The following SVOP variants were observed in gnomAD, a reference collection of about 807,000 sequenced individuals.
The protein encoded by SVOP is SV2 related protein.
In SVOP, 17 loss-of-function variants were observed where a neutral mutation model predicts 69.1. The observed-to-expected ratio is 0.25, with a 90% confidence interval of 0.17 to 0.37. The LOEUF (loss-of-function observed/expected upper bound fraction) is 0.37, where lower values mean the gene tolerates loss of function less well. SVOP is among the 10% of genes least tolerant of loss of function. The pLI is 1.00. For synonymous variants in SVOP, 238 were observed against 238.6 expected (o/e 1.00, Z 0.02); for missense variants, 435 against 597.5 (o/e 0.73, Z 2.84).
chr12:108,922,264 G>C (rs1040064590), intron 12 of SVOP, among the ~76,000 whole-genome samples: 1 of 152,180 alleles, frequency 6.6e-6, no homozygotes, highest in African/African-American at 2.4e-5. Context: ...TTTCTGGCAG[G>C]CTATTATAAA....
Position 109,020,914 on chromosome 12 carries a change from TA to T in SVOP, c.-47del. On this transcript the variant is annotated 5_prime_UTR_variant, in exon 1 of 16. Transcript: ENST00000610966. The stretch of plus-strand genomic sequence containing the variant: ...AGCCCTTCTCATGGCCCTTACATGG[TA>T]GTGGTGGATGACGAGCCCTCCGGTT... 1.4e-6 allele frequency: 1 copy of T among 709,618 alleles called. No homozygotes were observed. Among genetic ancestry groups the T allele is most frequent in the Admixed American group, 2.0e-5 (1 of 48,970 alleles). 44.0% of individuals were successfully genotyped at this position (709,618 alleles called of 1,614,324 possible). A position where few individuals can be genotyped will look rare whatever the true frequency, so the allele number is the denominator to read the frequency against.
chr12:108,984,202 G>A, intron 1 of SVOP, among the ~76,000 whole-genome samples: 1 of 152,250 alleles, frequency 6.6e-6, no homozygotes, highest in South Asian at 2.1e-4. Context: ...TTTTAGAATA[G>A]AGACAAGGTT....
intron 11 of SVOP, among the ~76,000 whole-genome samples, chr12:108,924,205 AT>A: frequency 6.6e-6 from 1 of 152,166 alleles, no homozygotes; most frequent in East Asian, 1.9e-4. Context: ...CAGACACTGA[AT>A]CTACTGGTGC....
chr12:108,960,401 C>T (rs1316690401), intron 6 of SVOP, among the ~76,000 whole-genome samples: 1 of 152,140 alleles, frequency 6.6e-6, no homozygotes, highest in African/African-American at 2.4e-5. Context: ...ATTCTCAGTA[C>T]CTTAAACTAC....
intron 1 of SVOP, among the ~76,000 whole-genome samples, chr12:108,998,616 G>T (rs1184876865): frequency 6.6e-6 from 1 of 152,044 alleles, no homozygotes; most frequent in East Asian, 1.9e-4. Context: ...AGATCTCTCG[G>T]CAGAAACCCT....
rs533847831 is a variant in SVOP, at chr12:109,005,512, G to A, written c.35+15322C>T. 1.6e-4 allele frequency among the ~76,000 whole-genome samples: 24 copies of A among 152,250 alleles called. No homozygotes were observed. The South Asian group carries it at 3.7e-3, about 24-fold the overall frequency. ...TGAAATTGACATGGTCCCTGACCTC[G>A]AGAAGTGGATGCTCTGGTTGGCAAG... is the stretch of plus-strand genomic sequence containing the variant. On this transcript the variant is annotated intron_variant, in intron 1 of 15. Coordinates refer to ENST00000610966, the MANE Select transcript of SVOP (RefSeq NM_018711.5).
rs1251791579 is a variant in SVOP at position 108,936,434 on chromosome 12, A to G, written c.971+830T>C. ...TTTCAATCCTTTTAAATTATATCCC[A>G]GTCTCACTTATGTGCTAATGAGTCC... On this transcript the variant is annotated intron_variant, in intron 10 of 15. Transcript: ENST00000610966. 3.9e-5 allele frequency among the ~76,000 whole-genome samples: 6 copies of G among 152,174 alleles called. 1 individual carries two copies.
At chr12:108,940,385 G>A (rs1336318148) in intron 8 of SVOP, among the ~76,000 whole-genome samples, 1 of 152,160 alleles carries the variant, frequency 6.6e-6, no homozygotes, top group African/African-American at 2.4e-5. Flanking sequence ...AACTCCTGGA[G>A]CCAGCCATGC....
At position 108,915,826 on chromosome 12, in the gene SVOP, C is replaced by T. The variant is rs867454100; in HGVS notation, c.1397G>A (p.Gly466Asp). 6.2e-7 allele frequency: 1 copy of T among 1,608,146 alleles called. No individual in the cohort carries two copies. The change falls in exon 15 of 16, where the codon GGC becomes GAC. Residue 466 changes from glycine (G) to aspartate (D), a missense_variant. Coordinates refer to ENST00000610966, the MANE Select transcript of SVOP (RefSeq NM_018711.5). ...TRALGLGTCS[G>D]MARVGALITP... ...GATGAGAGCACCCACTCTTGCCATG[C>T]CGCTGCAGGTGCCCAGGCCGAGGGC...
At chr12:108,940,268 T>C (rs2039882909) in intron 8 of SVOP, among the ~76,000 whole-genome samples, 1 of 152,206 alleles carries the variant, frequency 6.6e-6, no homozygotes, top group Non-Finnish European at 1.5e-5. Flanking sequence ...TTTTAGTGCC[T>C]ACTGGCTGTA....
rs564882486 is a variant in SVOP, at chr12:108,912,284, T to C, written c.*251A>G. On this transcript the variant is annotated 3_prime_UTR_variant, in exon 16 of 16. Coordinates refer to ENST00000610966, the MANE Select transcript of SVOP (RefSeq NM_018711.5). ...CCTCCTAATATGGGTAGTCTTCCCA[T>C]GTAGATCCACAGGTTATGAACAAAG... The C allele has an allele frequency of 5.8e-4, 799 of 1,382,268 alleles. 11 individuals are homozygous for C. The South Asian group carries it at 0.012, about 21-fold the overall frequency. 85.6% of individuals were successfully genotyped at this position (1,382,268 alleles called of 1,614,324 possible). A position where few individuals can be genotyped will look rare whatever the true frequency, so the allele number is the denominator to read the frequency against.
At chr12:108,921,297 G>A (rs972648799) in intron 12 of SVOP, among the ~76,000 whole-genome samples, 1 of 152,126 alleles carries the variant, frequency 6.6e-6, no homozygotes, top group Admixed American at 6.5e-5. Context: ...TGAAGACTCT[G>A]AATTCTAGGG....
chr12:108,935,965 C>A (rs1183874408), intron 10 of SVOP, among the ~76,000 whole-genome samples: 1 of 151,948 alleles, frequency 6.6e-6, no homozygotes, highest in African/African-American at 2.4e-5. Flanking sequence ...CCACATGCCA[C>A]CCCTGTGGTA....
intron 11 of SVOP, among the ~76,000 whole-genome samples, chr12:108,924,800 T>C (rs1475935988): frequency 6.6e-6 from 1 of 152,194 alleles, no homozygotes; most frequent in Non-Finnish European, 1.5e-5. Context: ...CATCTTAACA[T>C]ATGTCCCTGA....
intron 13 of SVOP, among the ~76,000 whole-genome samples, chr12:108,918,867 T>C (rs1349614766): frequency 6.6e-6 from 1 of 152,098 alleles, no homozygotes; most frequent in Non-Finnish European, 1.5e-5. Flanking sequence ...GGGGCCAAAG[T>C]TCTCCCCTGA....
chr12:108,969,686 C>A (rs1469039341), intron 5 of SVOP, among the ~76,000 whole-genome samples: 4 of 151,912 alleles, frequency 2.6e-5, no homozygotes, highest in Non-Finnish European at 4.4e-5. Context: ...TCCCTCCCTC[C>A]CTTCTTCTTT....
chr12:108,999,997 C>T (rs2040258742), intron 1 of SVOP, among the ~76,000 whole-genome samples: 2 of 150,326 alleles, frequency 1.3e-5, no homozygotes, highest in Admixed American at 1.3e-4. Flanking sequence ...ACACAAAAAA[C>T]CCTTCAAAAA....
chr12:109,017,962 T>C (rs1349041868), intron 1 of SVOP, among the ~76,000 whole-genome samples: 3 of 152,224 alleles, frequency 2.0e-5, no homozygotes, highest in Non-Finnish European at 4.4e-5. Context: ...AATAGCCACA[T>C]GTAGCTAGTG....
chr12:108,982,715 A>G (rs2040144764), intron 2 of SVOP, among the ~76,000 whole-genome samples: 1 of 151,308 alleles, frequency 6.6e-6, no homozygotes, highest in African/African-American at 2.4e-5. Flanking sequence ...CACTGTCACC[A>G]TCATCATCAT....
Sources: allele counts gnomAD v4.1 joint callset (sites outside exome capture counted in the v4.1 genomes callset), GRCh38; gene constraint gnomAD v4.1.1; transcripts MANE v1.5; gene names NCBI Gene and HGNC (gene_info 2026-07-23, HGNC 2026-07-21).